The following RSPH9 variants were observed in gnomAD, a reference collection of about 807,000 sequenced individuals.
The protein encoded by RSPH9 is radial spoke head component 9, also known as radial spoke head protein 9 homolog.
Under a neutral mutation model 27.0 loss-of-function variants are expected in RSPH9, and 27 were observed. That is an observed-to-expected ratio of 1.00 (90% CI 0.74 to 1.38). The LOEUF is 1.38. Ranked by LOEUF, RSPH9 falls within the 40% of genes most tolerant of loss-of-function variation. The pLI is 0.00. For missense variants in RSPH9, 347 were observed against 357.4 expected, an observed-to-expected ratio of 0.97 and a Z score of 0.24; for synonymous variants, 145 against 147.7, an observed-to-expected ratio of 0.98 and a Z score of 0.13.
chr6:43,648,785 C>T (rs1333059542), intron 1 of RSPH9, among the ~76,000 whole-genome samples: 1 of 152,094 alleles, frequency 6.6e-6, no homozygotes, highest in Non-Finnish European at 1.5e-5. Flanking sequence ...ATTCTGGATA[C>T]AGACTAGGCA....
intron 3 of RSPH9, among the ~76,000 whole-genome samples, chr6:43,656,348 A>T (rs113893893): frequency 2.6e-5 from 4 of 152,012 alleles, no homozygotes; most frequent in African/African-American, 7.3e-5. Flanking sequence ...GGCTTCCCAA[A>T]GTGCTGGGAT....
intron 4 of RSPH9, among the ~76,000 whole-genome samples, chr6:43,659,855 C>A (rs1324850493): frequency 6.6e-6 from 1 of 151,966 alleles, no homozygotes; most frequent in Non-Finnish European, 1.5e-5. Context: ...GCCTCAGCCT[C>A]CTGAGTAGCT....
intron 2 of RSPH9, among the ~76,000 whole-genome samples, chr6:43,653,383 G>C (rs1356015734): frequency 6.8e-6 from 1 of 147,484 alleles, no homozygotes; most frequent in Non-Finnish European, 1.5e-5. Flanking sequence ...GGAGGCGGAG[G>C]TTGCAGTGAG....
intron 4 of RSPH9, 43 bp downstream of exon 4, chr6:43,656,766 C>T (rs1772084792): frequency 3.7e-6 from 6 of 1,604,968 alleles, no homozygotes; most frequent in Non-Finnish European, 5.1e-6. Context: ...TGTCCTCAGG[C>T]CATAGCAGTG....
At chr6:43,668,136 A>AC (rs1773333738) in intron 4 of RSPH9, among the ~76,000 whole-genome samples, 1 of 152,088 alleles carries the variant, frequency 6.6e-6, no homozygotes, top group South Asian at 2.1e-4. Context: ...GGGGCTGTGA[A>AC]CCTGCAGCAC....
chr6:43,663,592 G>A (rs540308899), intron 4 of RSPH9, among the ~76,000 whole-genome samples: 1 of 152,278 alleles, frequency 6.6e-6, no homozygotes, highest in East Asian at 1.9e-4. Flanking sequence ...AGGAGAGGGA[G>A]AGGGCTGGGA....
At chr6:43,661,774 C>A (rs1772655330) in intron 4 of RSPH9, among the ~76,000 whole-genome samples, 1 of 151,706 alleles carries the variant, frequency 6.6e-6, no homozygotes, top group Non-Finnish European at 1.5e-5. Context: ...AATCAGTGAT[C>A]TTAGCCAGGT....
At chr6:43,651,919 C>T (rs1771512021) in intron 2 of RSPH9, among the ~76,000 whole-genome samples, 2 of 152,086 alleles carry the variant, frequency 1.3e-5, no homozygotes, top group Non-Finnish European at 2.9e-5. Flanking sequence ...TTTTCTGCTC[C>T]AAGTAGAGTC....
In RSPH9 at chr6:43,648,755, G is replaced by A. The variant is rs1582377547; in HGVS notation, c.228-1620G>A. ...GGGGATGGTGGCTTGGGCCAAGGTG[G>A]GAGCTGTGGAAGTGGTTGGATTCTG... On this transcript the variant is annotated intron_variant, in intron 1 of 4. Coordinates refer to ENST00000372163, the MANE Select transcript of RSPH9 (RefSeq NM_152732.5). Among the ~76,000 whole-genome samples the A allele has an allele frequency of 2.0e-5, 3 of 152,198 alleles. No individual in the cohort carries two copies. The East Asian group carries it at 5.8e-4, about 29-fold the overall frequency.
At chr6:43,664,547 G>A (rs1246570523) in intron 4 of RSPH9, among the ~76,000 whole-genome samples, 3 of 152,202 alleles carry the variant, frequency 2.0e-5, no homozygotes, top group East Asian at 3.8e-4. Context: ...AGCGAGACAG[G>A]GCAAGGCAAA....
intron 2 of RSPH9, among the ~76,000 whole-genome samples, chr6:43,653,701 G>GT (rs925371075): frequency 3.3e-5 from 5 of 151,572 alleles, no homozygotes; most frequent in East Asian, 1.9e-4. Context: ...TCCTGAGCCT[G>GT]TTTTTTTTGA....
At chr6:43,666,848 A>C (rs955522063) in intron 4 of RSPH9, among the ~76,000 whole-genome samples, 3 of 152,176 alleles carry the variant, frequency 2.0e-5, no homozygotes, top group African/African-American at 7.2e-5. Flanking sequence ...CCTGGGTTCA[A>C]GCAATTCTCC....
chr6:43,666,349 G>A (rs576774580), intron 4 of RSPH9: 2 of 1,189,780 alleles, frequency 1.7e-6, no homozygotes, highest in Non-Finnish European at 2.4e-6. Context: ...GAGTTCCCTG[G>A]GACACCAGGA....
At chr6:43,650,103 G>C (rs1365291464) in intron 1 of RSPH9, among the ~76,000 whole-genome samples, 1 of 151,804 alleles carries the variant, frequency 6.6e-6, no homozygotes, top group East Asian at 1.9e-4. Flanking sequence ...TAGTAGAGAC[G>C]GGGTTTCACC....
intron 4 of RSPH9, among the ~76,000 whole-genome samples, chr6:43,658,336 A>G (rs1486104567): frequency 6.6e-6 from 1 of 151,194 alleles, no homozygotes; most frequent in African/African-American, 2.4e-5. Flanking sequence ...AAACGAACAT[A>G]TCTCAGAGAT....
rs746265610 is a variant in RSPH9, at chr6:43,670,823, C to G, written c.705C>G (p.Ala235=). Residue 235 remains alanine (A), a synonymous_variant, in exon 5 of 5, where the codon GCC becomes GCG. Transcript: ENST00000372163. ...SWSIQMERGN[A]LVVLRSLLWP... ...GCATCCAGATGGAGAGGGGCAATGC[C>G]CTGGTGGTGCTGCGCAGCCTGCTCT... The G allele has an allele frequency of 6.2e-7, 1 of 1,614,162 alleles. No homozygotes were observed. Among genetic ancestry groups the G allele is most frequent in the Non-Finnish European group, 8.5e-7 (1 of 1,180,028 alleles).
chr6:43,660,047 T>C (rs1028933068), intron 4 of RSPH9, among the ~76,000 whole-genome samples: 1 of 143,458 alleles, frequency 7.0e-6, no homozygotes, highest in African/African-American at 2.9e-5. Context: ...GCCTTTTTTT[T>C]TTTTTTTTTT....
chr6:43,655,807 T>A lies in RSPH9; in HGVS notation c.523+116T>A. 13 of 1,256,608 alleles carry A rather than the reference T, an allele frequency of 1.0e-5. No homozygotes were observed. In the South Asian group the frequency reaches 1.7e-4, roughly 16 times the overall value. The allele number at this position is 1,256,608 out of a possible 1,614,324, so 77.8% of individuals were successfully genotyped here. A position where few individuals can be genotyped will look rare whatever the true frequency, so the allele number is the denominator to read the frequency against. On this transcript the variant is annotated intron_variant, in intron 3 of 4. Transcript: ENST00000372163. The stretch of plus-strand genomic sequence containing the variant: ...CACACTTTATCAGAGAAGGAGTAGC[T>A]GTGACCTTATCACCTGGGAGGGTGT...
At chr6:43,647,749 G>A (rs1480960037) in intron 1 of RSPH9, among the ~76,000 whole-genome samples, 1 of 152,096 alleles carries the variant, frequency 6.6e-6, no homozygotes, top group Non-Finnish European at 1.5e-5. Context: ...ATAGAGATTT[G>A]GGATTCATTT....
Sources: gnomAD v4.1 joint callset for allele counts (sites outside exome capture counted in the v4.1 genomes callset) on GRCh38, gnomAD v4.1.1 for gene constraint, MANE v1.5 for transcripts, NCBI Gene and HGNC (gene_info 2026-07-23, HGNC 2026-07-21) for gene names.